CSK: variants seen among roughly 807,000 people sequenced by gnomAD.
The protein encoded by CSK is tyrosine-protein kinase CSK.
CSK carries 7 observed loss-of-function variants against 62.3 expected under a neutral mutation model. The observed-to-expected ratio is 0.11, with a 90% confidence interval of 0.06 to 0.21. The LOEUF is 0.21. Among genes scored for constraint, CSK ranks in the 10% least tolerant of loss-of-function variants. The pLI is 1.00. For synonymous variants in CSK, 237 were observed against 246.0 expected (o/e 0.96, Z 0.34); for missense variants, 294 against 613.5 (o/e 0.48, Z 5.50).
chr15:74,784,124 C>G (rs1481201393), intron 1 of CSK, among the ~76,000 whole-genome samples: 1 of 152,214 alleles, frequency 6.6e-6, no homozygotes, highest in African/African-American at 2.4e-5. Flanking sequence ...CAGGCATTGC[C>G]CTGGTGGGTG....
chr15:74,789,638 C>T (rs567583878), intron 1 of CSK, among the ~76,000 whole-genome samples: 27 of 152,296 alleles, frequency 1.8e-4, no homozygotes, highest in African/African-American at 5.5e-4. Flanking sequence ...GTTCCCTGGG[C>T]CCCCATCCTG....
At chr15:74,786,751 C>T (rs978849913) in intron 1 of CSK, among the ~76,000 whole-genome samples, 2 of 152,156 alleles carry the variant, frequency 1.3e-5, no homozygotes, top group Non-Finnish European at 2.9e-5. Context: ...CACCAGTCTC[C>T]TCCTGGCAAC....
Position 74,801,851 on chromosome 15 carries a change from G to A in CSK, c.1044G>A (p.Leu348=). The A allele has an allele frequency of 6.2e-7, 1 of 1,613,598 alleles. No individual in the cohort carries two copies. Among genetic ancestry groups the A allele is most frequent in the Non-Finnish European group, 8.5e-7 (1 of 1,179,804 alleles). Reference sequence around the variant, plus strand: ...CCAGCACCCAGGACACGGGCAAGCTGCCAGTCAAGTGGACAGCCCCTGAGG... The same window carrying A: ...CCAGCACCCAGGACACGGGCAAGCTACCAGTCAAGTGGACAGCCCCTGAGG... The part of the protein sequence containing the change: ...EASSTQDTGK[L]PVKWTAPEAL... Residue 348 remains leucine (L), a synonymous_variant, in exon 11 of 13, where the codon CTG becomes CTA. Transcript: ENST00000220003.
In CSK at chr15:74,798,407, C is replaced by G. The variant is rs2063738004; in HGVS notation, c.15+95C>G. On this transcript the variant is annotated intron_variant, in intron 2 of 12. Coordinates refer to ENST00000220003, the MANE Select transcript of CSK (RefSeq NM_004383.3). This position sits in a 1 kb window ranked among gnomAD's most constrained non-coding sequence, Gnocchi z 6.6. ...AGAGAGGATGCAGCTTAGATCAACCCACTCCCCTTTTTCCCAGCACTCAGT... is the reference window on the plus strand; with the variant it reads ...AGAGAGGATGCAGCTTAGATCAACCGACTCCCCTTTTTCCCAGCACTCAGT... The G allele has an allele frequency of 6.7e-7, 1 of 1,491,802 alleles. No individual in the cohort carries two copies. The highest frequency in any genetic ancestry group is 9.2e-7 in the Non-Finnish European group (1 of 1,089,472). The allele number at this position is 1,491,802 out of a possible 1,614,324, so 92.4% of individuals were successfully genotyped here.
At chr15:74,797,448 C>T (rs192265874) in intron 1 of CSK, among the ~76,000 whole-genome samples, 1 of 152,106 alleles carries the variant, frequency 6.6e-6, no homozygotes, top group Non-Finnish European at 1.5e-5. Flanking sequence ...CCCAGCTACT[C>T]AGGAGGTGGA....
intron 5 of CSK, among the ~76,000 whole-genome samples, 176 bp from the exon 6 acceptor site, chr15:74,800,236 C>T (rs1391493146): frequency 2.0e-5 from 3 of 152,278 alleles, no homozygotes; most frequent in Non-Finnish European, 4.4e-5. Context: ...ATGGGCCATA[C>T]GTCATAATCT....
rs1407446728 is a variant in CSK, at chr15:74,800,594, AC to A, written c.557-83del. Reference sequence around the variant, plus strand: ...TGCCCCATCCAGGAACCTCCAGAGAACCCCAGTGCCTGATAGTCCAGTCAGC... The same window carrying A: ...TGCCCCATCCAGGAACCTCCAGAGAACCCAGTGCCTGATAGTCCAGTCAGC... On this transcript the variant is annotated intron_variant, in intron 6 of 12. Coordinates refer to ENST00000220003, the MANE Select transcript of CSK (RefSeq NM_004383.3). 4.5e-6 allele frequency: 7 copies of A among 1,546,670 alleles called. No individual in the cohort carries two copies. The African/African-American group carries it at 6.8e-5, about 15-fold the overall frequency.
At chr15:74,795,993 G>A (rs574512906) in intron 1 of CSK, among the ~76,000 whole-genome samples, 191 of 152,256 alleles carry the variant, frequency 1.3e-3, no homozygotes, top group African/African-American at 4.5e-3. Context: ...TGGGGCAGGC[G>A]GATCACTTGA....
chr15:74,790,885 A>AGAGGCCTTG (rs2063610141), intron 1 of CSK: 1 of 152,238 alleles, frequency 6.6e-6, no homozygotes, highest in Non-Finnish European at 1.5e-5. Flanking sequence ...GGGATGTGTG[A>AGAGGCCTTG]GAGGCCTTGG....
intron 5 of CSK, among the ~76,000 whole-genome samples, chr15:74,799,991 C>T (rs954487423): frequency 3.9e-5 from 6 of 152,204 alleles, no homozygotes; most frequent in Admixed American, 2.0e-4. Flanking sequence ...CCAGGCCACA[C>T]CTGGCATCCG....
chr15:74,799,371 A>G lies in CSK; in HGVS notation c.342A>G (p.Gly114=). ...FLVRESTNYP[G]DYTLCVSCDG... ...TGCGGGAGAGCACCAACTACCCCGG[A>G]GACTACACGCTGTGCGTGAGCTGCG... The change falls in exon 5 of 13, where the codon GGA becomes GGG. Residue 114 remains glycine, a synonymous_variant. Transcript: ENST00000220003. The G allele has an allele frequency of 6.2e-7, 1 of 1,613,170 alleles. No individual in the cohort carries two copies. Among genetic ancestry groups the G allele is most frequent in the African/African-American group, 1.3e-5 (1 of 74,926 alleles).
rs778320334 is a variant in CSK, at chr15:74,801,773, G to A, written c.966G>A (p.Val322=). 1.5e-5 allele frequency: 24 copies of A among 1,614,110 alleles called. No individual in the cohort carries two copies. The highest frequency in any genetic ancestry group is 3.3e-4 in the Middle Eastern group (2 of 6,060). ...ACCTGGCTGCCCGCAATGTGCTGGT[G>A]TCTGAGGACAACGTGGCCAAGGTCA... ...HRDLAARNVL[V]SEDNVAKVSD... The change falls in exon 11 of 13, where the codon GTG becomes GTA. Residue 322 remains valine, a synonymous_variant. Transcript: ENST00000220003.
At position 74,801,019 on chromosome 15, in the gene CSK, C is replaced by G. The variant is rs766840083; in HGVS notation, c.730C>G (p.Arg244Gly). ...LAEASVMTQL[R>G]HSNLVQLLGV... ...ACTCTCGTCCTGCCCCAGGCAACTG[C>G]GGCATAGCAACCTGGTGCAGCTCCT... The change falls in exon 9 of 13, where the codon CGG becomes GGG. Residue 244 changes from arginine to glycine, a missense_variant. Physicochemically the swap from Arg to Gly is moderately radical, Grantham distance 125. This residue lies in a region of CSK where 202 missense variants were observed against 415.7 expected (regional missense o/e 0.49). Transcript: ENST00000220003. The G allele has an allele frequency of 6.2e-7, 1 of 1,613,198 alleles. No homozygotes were observed.
chr15:74,796,495 G>A (rs2063707482), intron 1 of CSK, among the ~76,000 whole-genome samples: 1 of 151,648 alleles, frequency 6.6e-6, no homozygotes, highest in Non-Finnish European at 1.5e-5. Context: ...TTAGGAGGCT[G>A]AGGCAGGAGG....
rs542552890 is a variant in CSK at position 74,793,875 on chromosome 15, G to C, written c.-65-4358G>C. ...GGTGGCAGGGAGTTTGGGGAGGAAG[G>C]GGGAGGCATGGGGATGTGGAATGCT... is the stretch of plus-strand genomic sequence containing the variant. On this transcript the variant is annotated intron_variant, in intron 1 of 12. Transcript: ENST00000220003. Among the ~76,000 whole-genome samples, 269 of 152,124 alleles carry C rather than the reference G, an allele frequency of 1.8e-3. 16 individuals are homozygous for C. In the South Asian group the frequency reaches 0.054, roughly 31 times the overall value.
At position 74,798,681 on chromosome 15, in the gene CSK, C is replaced by T; in HGVS notation, c.82C>T (p.Leu28=). The T allele has an allele frequency of 2.5e-6, 4 of 1,613,790 alleles. No homozygotes were observed. The highest frequency in any genetic ancestry group is 1.1e-5 in the South Asian group (1 of 91,090). ...CTTCCACGGCACTGCCGAGCAGGAC[C>T]TGCCCTTCTGCAAAGGAGACGTGCT... ...YNFHGTAEQD[L]PFCKGDVLTI... is the part of the protein sequence containing the mutation. Residue 28 remains leucine (L), a synonymous_variant, in exon 3 of 13, where the codon CTG becomes TTG. Transcript: ENST00000220003. The surrounding 1 kb of genome is among the most constrained non-coding windows in gnomAD (Gnocchi z 6.6).
intron 1 of CSK, among the ~76,000 whole-genome samples, chr15:74,788,164 T>G (rs1274796281): frequency 6.6e-6 from 1 of 152,184 alleles, no homozygotes; most frequent in African/African-American, 2.4e-5. Flanking sequence ...TTCTGCCCTC[T>G]CTAGGGCTGC....
chr15:74,795,691 T>G (rs576710039), intron 1 of CSK, among the ~76,000 whole-genome samples: 2 of 152,170 alleles, frequency 1.3e-5, no homozygotes, highest in South Asian at 2.1e-4. Flanking sequence ...GGAGTCAACT[T>G]TATTGAAGTA....
chr15:74,786,311 G>C (rs1196746516), intron 1 of CSK, among the ~76,000 whole-genome samples: 1 of 152,082 alleles, frequency 6.6e-6, no homozygotes, highest in Non-Finnish European at 1.5e-5. Flanking sequence ...GTGAGCCACT[G>C]CGCCTCTTCT....
Sources: allele counts gnomAD v4.1 joint callset (sites outside exome capture counted in the v4.1 genomes callset), GRCh38; gene constraint gnomAD v4.1.1; regional missense constraint gnomAD v4.1.1; non-coding constraint Gnocchi (gnomAD v3.1); transcripts MANE v1.5; gene names NCBI Gene and HGNC (gene_info 2026-07-23, HGNC 2026-07-21).